ME3: variants seen among roughly 807,000 people sequenced by gnomAD.
ME3 encodes malic enzyme 3.
ME3 carries 48 observed loss-of-function variants against 68.9 expected under a neutral mutation model. The observed-to-expected ratio is 0.70, with a 90% CI of 0.55 to 0.89. The LOEUF (loss-of-function observed/expected upper bound fraction) is 0.89, where lower values mean the gene tolerates loss of function less well. Among genes scored for constraint, ME3 ranks in the 40% least tolerant of loss-of-function variants. ME3 has a pLI of 0.00. For missense variants in ME3, 675 were observed against 797.4 expected (o/e 0.85, Z 1.85); for synonymous variants, 320 against 318.8 (o/e 1.00, Z -0.04).
chr11:86,522,901 T>C (rs183927106), intron 4 of ME3, among the ~76,000 whole-genome samples: 4 of 152,348 alleles, frequency 2.6e-5, no homozygotes, highest in African/African-American at 9.6e-5. Context: ...ATGTATGTTA[T>C]ATGCAAATAC....
chr11:86,578,787 C>T (rs1424117524), intron 2 of ME3, among the ~76,000 whole-genome samples: 1 of 152,116 alleles, frequency 6.6e-6, no homozygotes, highest in Non-Finnish European at 1.5e-5. Flanking sequence ...TTTGTAACAA[C>T]TGTTTACACT....
intron 4 of ME3, among the ~76,000 whole-genome samples, chr11:86,537,891 A>C (rs888237223): frequency 2.0e-5 from 3 of 152,178 alleles, no homozygotes; most frequent in Non-Finnish European, 2.9e-5. Flanking sequence ...TCTTGGGAGC[A>C]GGAGCTCCAT....
chr11:86,475,874 T>TATATATATATATAGAG, intron 7 of ME3, among the ~76,000 whole-genome samples: 10 of 91,470 alleles, frequency 1.1e-4, no homozygotes, highest in African/African-American at 1.5e-4. Context: ...TATATATATA[T>TATATATATATATAGAG]AGAGAGAGAG....
intron 2 of ME3, among the ~76,000 whole-genome samples, chr11:86,613,437 A>G (rs1942737037): frequency 6.6e-6 from 1 of 152,076 alleles, no homozygotes; most frequent in Admixed American, 6.6e-5. Flanking sequence ...TCTCACCACT[A>G]CTTTTCAACA....
intron 2 of ME3, among the ~76,000 whole-genome samples, chr11:86,627,975 C>T (rs1331663742): frequency 6.6e-6 from 1 of 152,078 alleles, no homozygotes; most frequent in East Asian, 1.9e-4. Flanking sequence ...AGCTAAAGTC[C>T]CCCCACCCTC....
At position 86,457,427 on chromosome 11, in the gene ME3, C is replaced by T. The variant is rs530775314; in HGVS notation, c.920-7029G>A. 11 of 909,460 alleles carry T rather than the reference C, an allele frequency of 1.2e-5. No individual in the cohort carries two copies. The African/African-American group carries it at 1.9e-4, about 16-fold the overall frequency. 56.3% of individuals were successfully genotyped at this position (909,460 alleles called of 1,614,324 possible). Reference sequence around the variant, plus strand: ...AATTCAGTAATCAGTTCTCAGCCTTCTTCTTTCTTGACCTCTCAGCAGCAT... The same window carrying T: ...AATTCAGTAATCAGTTCTCAGCCTTTTTCTTTCTTGACCTCTCAGCAGCAT... On this transcript the variant is annotated intron_variant, in intron 8 of 14. Coordinates refer to ENST00000543262, the Ensembl canonical transcript of ME3.
intron 2 of ME3, among the ~76,000 whole-genome samples, chr11:86,654,881 T>C (rs974644641): frequency 2.6e-5 from 4 of 152,174 alleles, no homozygotes; most frequent in Non-Finnish European, 4.4e-5. Context: ...CTTAAGCTGA[T>C]AAGCAACTTC....
rs1942848855 is a variant in ME3 at position 86,614,931 on chromosome 11, G to A, written c.184-55108C>T. On this transcript the variant is annotated intron_variant, in intron 2 of 14. Coordinates refer to ENST00000543262, the Ensembl canonical transcript of ME3. Reference sequence around the variant, plus strand: ...ACATTAATGAGCTTTTTGATAAAATGTACTAAATACTAAACCATGTCAGAT... The same window carrying A: ...ACATTAATGAGCTTTTTGATAAAATATACTAAATACTAAACCATGTCAGAT... Among the ~76,000 whole-genome samples the A allele has an allele frequency of 2.6e-5, 4 of 152,294 alleles. No homozygotes were observed. The South Asian group carries it at 8.3e-4, about 32-fold the overall frequency.
intron 8 of ME3, among the ~76,000 whole-genome samples, chr11:86,459,454 T>C (rs374080555): frequency 2.0e-5 from 3 of 152,238 alleles, no homozygotes; most frequent in African/African-American, 7.2e-5. Context: ...AACTGAGTAC[T>C]GCTACATGCC....
intron 8 of ME3, chr11:86,457,376 G>T: frequency 5.2e-6 from 2 of 385,924 alleles, no homozygotes; most frequent in Non-Finnish European, 7.2e-6. Flanking sequence ...CTCTTGTCAG[G>T]GTCCCCAAGT....
intron 2 of ME3, among the ~76,000 whole-genome samples, chr11:86,633,523 G>C (rs1181938346): frequency 6.6e-6 from 1 of 152,186 alleles, no homozygotes; most frequent in Admixed American, 6.5e-5. Context: ...AGGGCATGGA[G>C]GAGAAATGTA....
chr11:86,625,119 A>G lies in ME3; in HGVS notation c.183+46643T>C, dbSNP rs1444383518. On this transcript the variant is annotated intron_variant, in intron 2 of 14. Transcript: ENST00000543262. ...TTTTCTTTAGTATTCTCATTATAAAATAACCAATTACTTAAACAGTATATA... is the reference window on the plus strand; with the variant it reads ...TTTTCTTTAGTATTCTCATTATAAAGTAACCAATTACTTAAACAGTATATA... Among the ~76,000 whole-genome samples the G allele has an allele frequency of 2.0e-5, 3 of 152,170 alleles. No individual in the cohort carries two copies. In the East Asian group the frequency reaches 5.8e-4, roughly 29 times the overall value.
intron 6 of ME3, 106 bp from the exon 7 acceptor site, chr11:86,487,546 G>T (rs558697689): frequency 3.4e-6 from 3 of 870,448 alleles, no homozygotes; most frequent in Non-Finnish European, 5.5e-6. Context: ...GGTGGGAGGA[G>T]AGGGGGGAGT....
chr11:86,610,003 C>T (rs1942445237), intron 2 of ME3, among the ~76,000 whole-genome samples: 1 of 152,218 alleles, frequency 6.6e-6, no homozygotes, highest in Non-Finnish European at 1.5e-5. Context: ...AGGGTATAAA[C>T]TATCATCAGA....
At chr11:86,554,434 T>G (rs1956833998) in intron 4 of ME3, among the ~76,000 whole-genome samples, 1 of 152,220 alleles carries the variant, frequency 6.6e-6, no homozygotes, top group African/African-American at 2.4e-5. Flanking sequence ...GTTAAAAGTG[T>G]TAGTTTGTTA....
At chr11:86,469,955 G>C (rs1950694793) in intron 7 of ME3, among the ~76,000 whole-genome samples, 1 of 151,862 alleles carries the variant, frequency 6.6e-6, no homozygotes, top group Non-Finnish European at 1.5e-5. Context: ...ACGGTGTGAT[G>C]ATACCCAGGC....
chr11:86,671,703 G>A (rs768665855), intron 2 of ME3, 59 bp downstream of exon 2: 2 of 1,579,878 alleles, frequency 1.3e-6, no homozygotes, highest in South Asian at 1.1e-5. Flanking sequence ...GGGGCGGGGC[G>A]CAATTTTCCG....
intron 2 of ME3, among the ~76,000 whole-genome samples, chr11:86,634,355 C>T (rs1387941004): frequency 6.6e-6 from 1 of 152,148 alleles, no homozygotes; most frequent in East Asian, 1.9e-4. Context: ...TTCCCAACCT[C>T]CCTCCTGACA....
intron 4 of ME3, among the ~76,000 whole-genome samples, chr11:86,528,293 C>T (rs1954923148): frequency 6.6e-6 from 1 of 152,182 alleles, no homozygotes; most frequent in South Asian, 2.1e-4. Flanking sequence ...ATCAATTCAA[C>T]AAGAAAAGCT....
Sources: gnomAD v4.1 joint callset for allele counts (sites outside exome capture counted in the v4.1 genomes callset) on GRCh38, gnomAD v4.1.1 for gene constraint, MANE v1.5 for transcripts, NCBI Gene and HGNC (gene_info 2026-07-23, HGNC 2026-07-21) for gene names.